Variants in WDPCP observed in about 807,000 individuals in gnomAD.
WDPCP encodes WD repeat containing planar cell polarity effector.
In WDPCP, 71 loss-of-function variants were observed where a neutral mutation model predicts 93.1. The ratio of observed to expected loss-of-function variants is 0.76; its 90% CI spans 0.63 to 0.93. The LOEUF is 0.93. Among genes scored for constraint, WDPCP ranks in the 40% least tolerant of loss-of-function variants. The pLI, the probability that WDPCP is intolerant of heterozygous loss-of-function variation, is 0.00. For missense variants in WDPCP, 844 were observed against 887.4 expected (o/e 0.95, Z 0.62); for synonymous variants, 315 against 315.0 (o/e 1.00, Z 0.00).
At chr2:63,641,044 C>T (rs1032872824) in intron 3 of WDPCP, among the ~76,000 whole-genome samples, 4 of 152,138 alleles carry the variant, frequency 2.6e-5, no homozygotes, top group Non-Finnish European at 5.9e-5. Context: ...ATTTTTAGAT[C>T]CCACAAATAA....
At chr2:63,727,660 G>C (rs1669510303) in intron 2 of WDPCP, among the ~76,000 whole-genome samples, 2 of 152,164 alleles carry the variant, frequency 1.3e-5, no homozygotes, top group African/African-American at 4.8e-5. Context: ...GTAGAATTCA[G>C]CTGTGAATCT....
intron 3 of WDPCP, among the ~76,000 whole-genome samples, chr2:63,642,073 C>A (rs1709986498): frequency 6.6e-6 from 1 of 152,064 alleles, no homozygotes; most frequent in South Asian, 2.1e-4. Context: ...GTTCTTGGCA[C>A]CTTTGTTGAA....
chr2:63,588,881 C>G (rs771239744), upstream of WDPCP: 12 of 879,556 alleles, frequency 1.4e-5, no homozygotes, highest in Non-Finnish European at 1.8e-5. Flanking sequence ...TGCGCCACAA[C>G]CAGGGCAGCG....
chr2:63,740,789 T>C (rs558663900), intron 2 of WDPCP, among the ~76,000 whole-genome samples: 28 of 152,286 alleles, frequency 1.8e-4, no homozygotes, highest in Admixed American at 7.9e-4. Context: ...AGTCTTACTG[T>C]ACAAGGTAAT....
chr2:63,702,949 C>A (rs1460713121), intron 2 of WDPCP, among the ~76,000 whole-genome samples: 3 of 151,976 alleles, frequency 2.0e-5, no homozygotes, highest in Admixed American at 2.0e-4. Flanking sequence ...TCAATTCCCA[C>A]CTATGAGTGA....
At chr2:63,544,674 G>C (rs1329125727) in intron 1 of WDPCP, among the ~76,000 whole-genome samples, 2 of 152,106 alleles carry the variant, frequency 1.3e-5, no homozygotes, top group Non-Finnish European at 2.9e-5. Context: ...AGTAGGCAGA[G>C]TAGGCTCTTT....
At chr2:63,321,990 C>T (rs1187546434) in intron 12 of WDPCP, among the ~76,000 whole-genome samples, 2 of 152,120 alleles carry the variant, frequency 1.3e-5, no homozygotes, top group African/African-American at 2.4e-5. Context: ...GAAGTAGACA[C>T]CACTGAAGCT....
At chr2:63,159,335 C>G (rs896099257) in intron 15 of WDPCP, among the ~76,000 whole-genome samples, 2 of 151,880 alleles carry the variant, frequency 1.3e-5, no homozygotes, top group Non-Finnish European at 2.9e-5. Context: ...AAGTGATCTT[C>G]CTGCCTCAGT....
chr2:63,504,768 T>C (rs1701764461), intron 1 of WDPCP, among the ~76,000 whole-genome samples: 1 of 152,044 alleles, frequency 6.6e-6, no homozygotes, highest in South Asian at 2.1e-4. Context: ...TAGAAAGCTC[T>C]TGGAGAAAGT....
chr2:63,382,740 A>G (rs1359973683), intron 10 of WDPCP, among the ~76,000 whole-genome samples: 2 of 152,148 alleles, frequency 1.3e-5, no homozygotes, highest in East Asian at 3.9e-4. Flanking sequence ...AAAGATGCTA[A>G]AATTCTTCAT....
At chr2:63,491,015 C>A (rs1396125302) in intron 2 of WDPCP, among the ~76,000 whole-genome samples, 3 of 152,178 alleles carry the variant, frequency 2.0e-5, no homozygotes, top group Admixed American at 6.5e-5. Context: ...TTTTGACCAG[C>A]AGTAAAATAA....
chr2:63,383,243 A>G (rs1406573946), intron 10 of WDPCP, among the ~76,000 whole-genome samples: 1 of 152,162 alleles, frequency 6.6e-6, no homozygotes, highest in Non-Finnish European at 1.5e-5. Context: ...GAAAACAATA[A>G]CAAGACATTT....
intron 3 of WDPCP, among the ~76,000 whole-genome samples, chr2:63,644,653 T>A (rs920342039): frequency 2.6e-5 from 4 of 152,256 alleles, no homozygotes; most frequent in Admixed American, 2.0e-4. Flanking sequence ...TTTTCTTTAC[T>A]GTGACACTTT....
At chr2:63,190,746 T>C (rs956593727) in intron 14 of WDPCP, among the ~76,000 whole-genome samples, 5 of 152,058 alleles carry the variant, frequency 3.3e-5, no homozygotes, top group Admixed American at 2.6e-4. Context: ...ACTAGTACTT[T>C]GGTACCACCT....
intron 12 of WDPCP, among the ~76,000 whole-genome samples, chr2:63,348,294 T>C (rs2104523919): frequency 1.3e-5 from 2 of 152,276 alleles, no homozygotes; most frequent in Middle Eastern, 6.8e-3. Flanking sequence ...CTTGGACTTT[T>C]CAAAAATTAC....
intron 12 of WDPCP, among the ~76,000 whole-genome samples, chr2:63,357,625 C>A (rs755896343): frequency 6.6e-6 from 1 of 151,988 alleles, no homozygotes; most frequent in Admixed American, 6.6e-5. Context: ...GGCAAGGTTG[C>A]GGAGAAAAGA....
chr2:63,325,458 C>A (rs1687459731), intron 12 of WDPCP, among the ~76,000 whole-genome samples: 1 of 152,188 alleles, frequency 6.6e-6, no homozygotes, highest in Non-Finnish European at 1.5e-5. Flanking sequence ...CATGTCATCA[C>A]CCTCACTGAG....
intron 1 of WDPCP, among the ~76,000 whole-genome samples, chr2:63,823,209 A>AC (rs1179938629): frequency 5.9e-5 from 9 of 151,676 alleles, no homozygotes; most frequent in Non-Finnish European, 1.2e-4. Context: ...CAAAAAAAAA[A>AC]AAAAACAAAA....
chr2:63,300,306 T>C (rs1277388716), intron 13 of WDPCP, among the ~76,000 whole-genome samples: 1 of 152,172 alleles, frequency 6.6e-6, no homozygotes, highest in East Asian at 1.9e-4. Flanking sequence ...AGCCACTTCA[T>C]AATGGGAACC....
Sources: allele counts gnomAD v4.1 joint callset (sites outside exome capture counted in the v4.1 genomes callset), GRCh38; gene constraint gnomAD v4.1.1; transcripts MANE v1.5; gene names NCBI Gene and HGNC (gene_info 2026-07-23, HGNC 2026-07-21).